DOCK9: variants seen among roughly 807,000 people sequenced by gnomAD.
DOCK9 encodes dedicator of cytokinesis protein 9.
A neutral mutation model predicts 263.3 loss-of-function variants in DOCK9; 89 were observed. The ratio of observed to expected loss-of-function variants is 0.34; its 90% CI spans 0.28 to 0.40. DOCK9 has a LOEUF of 0.40. Among genes scored for constraint, DOCK9 ranks in the 10% least tolerant of loss-of-function variants. DOCK9 has a pLI of 1.00. For missense variants in DOCK9, 2,140 were observed against 2,603.4 expected (o/e 0.82, Z 3.87); for synonymous variants, 976 against 973.1 (o/e 1.00, Z -0.06).
At chr13:98,919,966 A>G (rs1159689207) in intron 7 of DOCK9, among the ~76,000 whole-genome samples, 1 of 152,226 alleles carries the variant, frequency 6.6e-6, no homozygotes, top group African/African-American at 2.4e-5. Context: ...GTGTATGCTT[A>G]TAAGCTGCTG....
chr13:98,831,579 C>T (rs780669575), intron 40 of DOCK9, 49 bp from the exon 41 acceptor site: 2 of 1,593,596 alleles, frequency 1.3e-6, no homozygotes, highest in Admixed American at 1.8e-5. Context: ...CAGGTCAGTG[C>T]TCGGTAATGT....
chr13:98,873,424 A>G (rs772602676), intron 27 of DOCK9, among the ~76,000 whole-genome samples: 1 of 152,232 alleles, frequency 6.6e-6, no homozygotes, highest in Non-Finnish European at 1.5e-5. Flanking sequence ...ACTTCCCAGT[A>G]TCTGTTCTCT....
At chr13:99,069,892 A>AAC (rs1195111249) in intron 1 of DOCK9, among the ~76,000 whole-genome samples, 3 of 152,258 alleles carry the variant, frequency 2.0e-5, no homozygotes, top group African/African-American at 7.2e-5. Flanking sequence ...GGTTAAGGTT[A>AAC]GCCAGGTGAC....
chr13:98,845,442 T>C (rs1370674838), intron 38 of DOCK9: 16 of 1,128,528 alleles, frequency 1.4e-5, no homozygotes, highest in Non-Finnish European at 1.9e-5. Flanking sequence ...ATTCATGGGC[T>C]TTATGTTTTC....
chr13:99,069,039 A>C (rs2041555965), intron 1 of DOCK9, among the ~76,000 whole-genome samples: 1 of 152,224 alleles, frequency 6.6e-6, no homozygotes, highest in African/African-American at 2.4e-5. Context: ...TTTACAGCTG[A>C]ATATTTATTT....
At chr13:99,025,214 G>C (rs7491972) in intron 1 of DOCK9, 147,614 of 152,316 alleles carry the variant, frequency 0.97, 71,687 homozygotes, top group Non-Finnish European at 1. Flanking sequence ...TATCCCTCCC[G>C]GTCAATTAAA....
chr13:98,795,752 A>G (rs1053543451), intron 52 of DOCK9, among the ~76,000 whole-genome samples: 1 of 120,946 alleles, frequency 8.3e-6, no homozygotes, highest in Non-Finnish European at 1.7e-5. Context: ...AATCGTTTCA[A>G]TTTTTTTCTA....
chr13:98,879,943 C>A lies in DOCK9; in HGVS notation c.2898G>T (p.Leu966=). ...TCAAATGCTGAGCCATAGATTTGATCAGTACATCAAAGAAAAACCATGAGT... is the reference window on the plus strand; with the variant it reads ...TCAAATGCTGAGCCATAGATTTGATAAGTACATCAAAGAAAAACCATGAGT... ...LKYSWFFFDV[L]IKSMAQHLIE... Residue 966 remains leucine, a synonymous_variant, in exon 27 of 53, where the codon CTG becomes CTT. Transcript: ENST00000682017. 6.2e-7 allele frequency: 1 copy of A among 1,608,892 alleles called. No homozygotes were observed. Among genetic ancestry groups the A allele is most frequent in the South Asian group, 1.1e-5 (1 of 89,732 alleles).
At chr13:98,955,404 G>A (rs2057936895) in intron 2 of DOCK9, 31 bp downstream of exon 2, 1 of 1,441,030 alleles carries the variant, frequency 6.9e-7, no homozygotes, top group Middle Eastern at 1.7e-4. Context: ...CAAACACGTG[G>A]TTCTACGGAT....
At chr13:98,955,587 C>G (rs1471555366) in intron 1 of DOCK9, 36 bp from the exon 2 acceptor site, 5 of 1,377,054 alleles carry the variant, frequency 3.6e-6, no homozygotes, top group Non-Finnish European at 5.1e-6. Context: ...CATTCTCATA[C>G]ACAAATGCCA....
chr13:98,888,914 T>C (rs2046210321), intron 15 of DOCK9, among the ~76,000 whole-genome samples: 1 of 152,164 alleles, frequency 6.6e-6, no homozygotes, highest in Non-Finnish European at 1.5e-5. Flanking sequence ...GTCCAAAATA[T>C]TACCATGTCA....
At chr13:98,887,139 A>ATT (rs1594981810) in intron 18 of DOCK9, among the ~76,000 whole-genome samples, 4 of 48,764 alleles carry the variant, frequency 8.2e-5, no homozygotes, top group East Asian at 8.7e-4. Flanking sequence ...ATATATATAT[A>ATT]TATATTTTTT....
At chr13:98,820,869 T>C (rs960193118) in intron 45 of DOCK9, among the ~76,000 whole-genome samples, 2 of 152,186 alleles carry the variant, frequency 1.3e-5, no homozygotes, top group African/African-American at 4.8e-5. Context: ...AGTCCCAGCC[T>C]CATTTTCCTA....
At chr13:98,886,765 C>A (rs759199200) in intron 18 of DOCK9, 141 bp from the exon 19 acceptor site, 2 of 744,426 alleles carry the variant, frequency 2.7e-6, no homozygotes, top group Non-Finnish European at 4.3e-6. Context: ...CTGTGAGCCC[C>A]GGACTGCTGG....
chr13:98,923,180 T>C (rs2052351248), intron 5 of DOCK9, 122 bp downstream of exon 5: 4 of 872,990 alleles, frequency 4.6e-6, no homozygotes, highest in Admixed American at 2.1e-5. Flanking sequence ...TCCCGTTTCA[T>C]GTAACACTCC....
At chr13:98,941,220 C>T (rs942952791) in intron 2 of DOCK9, among the ~76,000 whole-genome samples, 3 of 152,122 alleles carry the variant, frequency 2.0e-5, no homozygotes, top group Non-Finnish European at 2.9e-5. Flanking sequence ...TTTAATTCTC[C>T]AATACCCAGC....
intron 1 of DOCK9, among the ~76,000 whole-genome samples, chr13:99,047,883 AC>A (rs2040510183): frequency 6.6e-6 from 1 of 151,948 alleles, no homozygotes; most frequent in South Asian, 2.1e-4. Flanking sequence ...CTGGATACAA[AC>A]TCAATGTATT....
chr13:98,936,165 G>A (rs1159199518), intron 2 of DOCK9, among the ~76,000 whole-genome samples: 1 of 152,062 alleles, frequency 6.6e-6, no homozygotes, highest in African/African-American at 2.4e-5. Flanking sequence ...CCTGAGGTCT[G>A]ATCCTGTACC....
rs2139903398 is a variant in DOCK9, at chr13:98,915,489, C to T, written c.732G>A (p.Arg244=). 2.5e-6 allele frequency: 4 copies of T among 1,612,214 alleles called. No individual in the cohort carries two copies. Among genetic ancestry groups the T allele is most frequent in the Non-Finnish European group, 1.7e-6 (2 of 1,179,356 alleles). ...GCATCTTGAGCTCAAAAGCAAAACG[C>T]CTGACTTTGTTGTTCTGAAATGAAA... is the stretch of plus-strand genomic sequence containing the variant. ...CMGVVQNNKV[R]RFAFELKMQD... is the part of the protein sequence containing the mutation. Residue 244 remains arginine (R), a synonymous_variant, in exon 8 of 53, where the codon AGG becomes AGA. Transcript: ENST00000682017.
Sources: gnomAD v4.1 joint callset for allele counts (sites outside exome capture counted in the v4.1 genomes callset) on GRCh38, gnomAD v4.1.1 for gene constraint, MANE v1.5 for transcripts, NCBI Gene and HGNC (gene_info 2026-07-23, HGNC 2026-07-21) for gene names.